GLOD4: variants seen among roughly 807,000 people sequenced by gnomAD.
GLOD4 encodes glyoxalase domain-containing protein 4.
Under a neutral mutation model 39.1 loss-of-function variants are expected in GLOD4, and 44 were observed. The ratio of observed to expected loss-of-function variants is 1.13; its 90% CI spans 0.88 to 1.45. GLOD4 has a LOEUF of 1.45. GLOD4 is among the 40% of genes most tolerant of loss of function. The probability of loss-of-function intolerance (pLI) is 0.00; values close to 1 mark genes in which losing one functional copy is unlikely to be tolerated. For synonymous variants in GLOD4, 145 were observed against 135.0 expected, an observed-to-expected ratio of 1.07 and a Z score of -0.52; for missense variants, 405 against 366.4, an observed-to-expected ratio of 1.11 and a Z score of -0.86.
intron 8 of GLOD4, among the ~76,000 whole-genome samples, chr17:768,294 G>A (rs77508542): frequency 9.0e-5 from 13 of 144,480 alleles, no homozygotes; most frequent in Admixed American, 6.3e-4. Flanking sequence ...GAAACAGGGC[G>A]CACTCAGATT....
At chr17:782,476 T>G (rs1219503185), upstream of GLOD4, 3 of 1,613,632 alleles carry the variant, frequency 1.9e-6, no homozygotes, top group Non-Finnish European at 2.5e-6. Flanking sequence ...GTCCGGGCGC[T>G]GCGGCGGAGC....
intron 1 of GLOD4, 180 bp downstream of exon 1, chr17:781,986 G>A (rs993111478): frequency 6.8e-6 from 4 of 589,850 alleles, no homozygotes; most frequent in African/African-American, 5.6e-5. Context: ...CCTTCTCCAA[G>A]GCCTATGATC....
intron 1 of GLOD4, chr17:780,877 C>G (rs1472621248): frequency 6.5e-6 from 1 of 153,306 alleles, no homozygotes; most frequent in East Asian, 1.9e-4. Flanking sequence ...TCTACTATTA[C>G]CGATATGTTA....
chr17:776,845 T>C (rs1347378467), intron 3 of GLOD4, 23 bp downstream of exon 3: 9 of 1,602,500 alleles, frequency 5.6e-6, no homozygotes, highest in African/African-American at 2.7e-5. Flanking sequence ...GCCAAAACTC[T>C]GCTAGAAAAA....
chr17:777,161 A>C (rs1264016725), intron 2 of GLOD4, 173 bp from the exon 3 acceptor site: 10 of 611,154 alleles, frequency 1.6e-5, no homozygotes, highest in Middle Eastern at 8.3e-4. Context: ...TGCTCATGGG[A>C]CCCTACTACA....
chr17:768,732 AAAC>A (rs1403414584), intron 8 of GLOD4, among the ~76,000 whole-genome samples: 1 of 123,370 alleles, frequency 8.1e-6, no homozygotes, highest in African/African-American at 3.2e-5. Context: ...TGAGAGAGAG[AAAC>A]AGCGCGCACT....
chr17:778,433 T>G, intron 2 of GLOD4: 1 of 565,346 alleles, frequency 1.8e-6, no homozygotes, highest in Non-Finnish European at 3.1e-6. Context: ...CCCACAGGTG[T>G]TGTATGAGAG....
At chr17:778,847 C>A (rs188370177) in intron 1 of GLOD4, 103 bp from the exon 2 acceptor site, 2 of 672,256 alleles carry the variant, frequency 3.0e-6, no homozygotes, top group African/African-American at 1.8e-5. Flanking sequence ...CATTTATAAG[C>A]TTTACTTGTA....
At position 782,231 on chromosome 17, in the gene GLOD4, A is replaced by G; in HGVS notation, c.25T>C (p.Phe9Leu). The change falls in exon 1 of 9, where the codon TTC (phenylalanine) becomes CTC (leucine). Residue 9 changes from phenylalanine (F) to leucine (L), a missense_variant. Coordinates refer to ENST00000301329, the MANE Select transcript of GLOD4 (RefSeq NM_016080.4). The stretch of plus-strand genomic sequence containing the variant: ...AAGCGGTTTCCCACTTTGAATACGA[A>G]GTGCAGAGCTCTGCGAGCAGCCATG... MAARRALH[F>L]VFKVGNRFQT... The G allele has an allele frequency of 1.2e-6, 2 of 1,613,518 alleles. No individual in the cohort carries two copies. The highest frequency in any genetic ancestry group is 1.7e-6 in the Non-Finnish European group (2 of 1,179,740).
chr17:775,153 C>G (rs1462344177), intron 4 of GLOD4, among the ~76,000 whole-genome samples: 1 of 150,692 alleles, frequency 6.6e-6, no homozygotes, highest in Non-Finnish European at 1.5e-5. Flanking sequence ...CGCCTATAAT[C>G]CCAGCTACTT....
chr17:761,515 CT>C (rs2144256985), intron 8 of GLOD4, among the ~76,000 whole-genome samples: 1 of 151,922 alleles, frequency 6.6e-6, no homozygotes, highest in South Asian at 2.1e-4. Context: ...AGCTTTTTTT[CT>C]TTTTTGAAAT....
At chr17:781,184 G>A (rs1012095505) in intron 1 of GLOD4, among the ~76,000 whole-genome samples, 1 of 152,090 alleles carries the variant, frequency 6.6e-6, no homozygotes, top group African/African-American at 2.4e-5. Flanking sequence ...GCCTCCCAAA[G>A]TGCTGAGATT....
upstream of GLOD4, chr17:782,453 C>G: frequency 6.2e-7 from 1 of 1,613,900 alleles, no homozygotes; most frequent in Non-Finnish European, 8.5e-7. Context: ...GGGACCTTGA[C>G]GCGAGGCGCT....
chr17:781,622 C>G lies in GLOD4; in HGVS notation c.90+544G>C, dbSNP rs574189622. Among the ~76,000 whole-genome samples, 40 of 152,300 alleles carry G rather than the reference C, an allele frequency of 2.6e-4. 1 individual carries two copies. Among genetic ancestry groups the G allele is most frequent in the Admixed American group, 4.6e-4 (7 of 15,300 alleles). On this transcript the variant is annotated intron_variant, in intron 1 of 8. Coordinates refer to ENST00000301329, the MANE Select transcript of GLOD4 (RefSeq NM_016080.4). ...GGTCCCCAAAACCCAGTTCCCCAAC[C>G]AACTGAATCCTGCAAATAACAGCTC...
intron 1 of GLOD4, chr17:780,815 G>A (rs1183701445): frequency 2.0e-5 from 3 of 153,018 alleles, no homozygotes; most frequent in Non-Finnish European, 4.4e-5. Context: ...ACCCAGGTTG[G>A]AAAACCGCTC....
At chr17:783,345 G>A, upstream of GLOD4, 1 of 1,462,900 alleles carries the variant, frequency 6.8e-7, no homozygotes, top group Middle Eastern at 1.9e-4. Flanking sequence ...ATTACCCAGT[G>A]TATCTTTTTT....
intron 2 of GLOD4, 55 bp from the exon 3 acceptor site, chr17:777,043 AC>A (rs1437391566): frequency 2.5e-6 from 4 of 1,581,374 alleles, no homozygotes; most frequent in Non-Finnish European, 3.5e-6. Context: ...GCCTCAGGCC[AC>A]CCCCAGAGAA....
chr17:775,261 A>AG (rs984896826), intron 4 of GLOD4, among the ~76,000 whole-genome samples: 5 of 135,620 alleles, frequency 3.7e-5, no homozygotes, highest in African/African-American at 1.5e-4. Flanking sequence ...ACAGAGTCTC[A>AG]AAAAAAAAAA....
chr17:773,223 T>C (rs1021996496), intron 4 of GLOD4, among the ~76,000 whole-genome samples: 2 of 152,188 alleles, frequency 1.3e-5, no homozygotes, highest in Non-Finnish European at 2.9e-5. Flanking sequence ...TCATTGCTTT[T>C]GAAAGAACAA....
Sources: gnomAD v4.1 joint callset for allele counts (sites outside exome capture counted in the v4.1 genomes callset) on GRCh38, gnomAD v4.1.1 for gene constraint, MANE v1.5 for transcripts, NCBI Gene and HGNC (gene_info 2026-07-23, HGNC 2026-07-21) for gene names.